LIPH: variants seen among roughly 807,000 people sequenced by gnomAD.
LIPH encodes lipase member H.
In LIPH, 32 loss-of-function variants were observed where a neutral mutation model predicts 47.6. The ratio of observed to expected loss-of-function variants is 0.67; its 90% CI spans 0.51 to 0.90. LIPH has a LOEUF of 0.90. LIPH is among the 40% of genes least tolerant of loss of function. The pLI is 0.00. For missense variants in LIPH, 497 were observed against 541.4 expected (o/e 0.92, Z 0.81); for synonymous variants, 190 against 195.6 (o/e 0.97, Z 0.24).
rs778065986 is a variant in LIPH at position 185,517,066 on chromosome 3, C to G, written c.982+1G>C. ...AGCCAACAACCACATTCACCACTCA[C>G]TGCAGAATGGGCTCTCCTCAGCTGT... On this transcript the variant is annotated splice_donor_variant, in intron 7 of 9. Transcript: ENST00000296252. LOFTEE classifies it high-confidence loss of function. 39 of 1,600,688 alleles carry G rather than the reference C, an allele frequency of 2.4e-5. No individual in the cohort carries two copies. Among genetic ancestry groups the G allele is most frequent in the Non-Finnish European group, 3.3e-5 (39 of 1,167,740 alleles).
intron 2 of LIPH, among the ~76,000 whole-genome samples, 167 bp downstream of exon 2, chr3:185,534,598 T>G (rs1372051617): frequency 6.6e-6 from 1 of 152,210 alleles, no homozygotes; most frequent in Admixed American, 6.5e-5. Flanking sequence ...AACATACCTA[T>G]GGACATTTTG....
intron 1 of LIPH, among the ~76,000 whole-genome samples, chr3:185,536,832 T>G (rs1720517079): frequency 6.6e-6 from 1 of 152,204 alleles, no homozygotes; most frequent in Non-Finnish European, 1.5e-5. Context: ...GTCTGTAGGA[T>G]TTCTGCTTTC....
intron 1 of LIPH, among the ~76,000 whole-genome samples, chr3:185,550,580 T>TA (rs1182739054): frequency 1.3e-5 from 2 of 151,904 alleles, no homozygotes; most frequent in African/African-American, 2.4e-5. Context: ...TTATTATATA[T>TA]TTTTTTTGAG....
chr3:185,551,401 C>T (rs1721045200), intron 1 of LIPH, among the ~76,000 whole-genome samples: 1 of 152,012 alleles, frequency 6.6e-6, no homozygotes. Context: ...TATAGTTTAC[C>T]AACAAATTTA....
At chr3:185,541,494 T>C (rs1363716023) in intron 1 of LIPH, among the ~76,000 whole-genome samples, 1 of 151,352 alleles carries the variant, frequency 6.6e-6, no homozygotes, top group Non-Finnish European at 1.5e-5. Context: ...AGCCTTGACT[T>C]CCTAGGCTCA....
chr3:185,533,457 G>T, intron 3 of LIPH, 114 bp downstream of exon 3: 1 of 774,276 alleles, frequency 1.3e-6, no homozygotes, highest in South Asian at 1.4e-5. Context: ...CACTCAGAGA[G>T]GTTAGGTAAT....
chr3:185,546,046 A>T (rs1335894928), intron 1 of LIPH, among the ~76,000 whole-genome samples: 4 of 152,062 alleles, frequency 2.6e-5, no homozygotes, highest in Non-Finnish European at 5.9e-5. Flanking sequence ...CATGCCTGTA[A>T]TCCCAGCTAC....
At chr3:185,511,815 C>G (rs1719575760) in intron 8 of LIPH, 118 bp from the exon 9 acceptor site, 4 of 651,430 alleles carry the variant, frequency 6.1e-6, no homozygotes, top group African/African-American at 1.9e-5. Flanking sequence ...CCTGCACCAG[C>G]TGACTTTTTT....
At chr3:185,533,445 C>A in intron 3 of LIPH, 126 bp downstream of exon 3, 1 of 754,586 alleles carries the variant, frequency 1.3e-6, no homozygotes, top group Non-Finnish European at 2.5e-6. Flanking sequence ...TGCAATGACC[C>A]ACACTCAGAG....
intron 1 of LIPH, among the ~76,000 whole-genome samples, chr3:185,540,256 T>C (rs1720660616): frequency 6.6e-6 from 1 of 152,202 alleles, no homozygotes; most frequent in Non-Finnish European, 1.5e-5. Context: ...ATGCTATGTT[T>C]TCCAGGGTTA....
intron 1 of LIPH, among the ~76,000 whole-genome samples, chr3:185,543,697 T>C (rs1327422943): frequency 6.6e-6 from 1 of 152,242 alleles, no homozygotes; most frequent in Middle Eastern, 3.4e-3. Context: ...CTGGGCAACA[T>C]AGCAAGACTC....
rs926229649 is a variant in LIPH at position 185,523,922 on chromosome 3, A to G, written c.718+149T>C. The G allele has an allele frequency of 6.8e-6, 4 of 588,122 alleles. No individual in the cohort carries two copies. In the African/African-American group the frequency reaches 7.9e-5, roughly 12 times the overall value. The allele number at this position is 588,122 out of a possible 1,614,324, so 36.4% of individuals were successfully genotyped here. On this transcript the variant is annotated intron_variant, in intron 5 of 9. Coordinates refer to ENST00000296252, the MANE Select transcript of LIPH (RefSeq NM_139248.3). ...TATTTAGTAGAGATGGGGTTTCACTATGTTGGCCAGGCTCGTCTCAAACTC... is the reference window on the plus strand; with the variant it reads ...TATTTAGTAGAGATGGGGTTTCACTGTGTTGGCCAGGCTCGTCTCAAACTC...
intron 3 of LIPH, among the ~76,000 whole-genome samples, chr3:185,529,906 A>AAAAGAAGGAAAGAAAG (rs1720258370): frequency 8.2e-6 from 1 of 122,602 alleles, no homozygotes; most frequent in Admixed American, 9.0e-5. Flanking sequence ...AGAGAGAAAG[A>AAAAGAAGGAAAGAAAG]AAAGAAAGAA....
intron 1 of LIPH, among the ~76,000 whole-genome samples, chr3:185,541,394 C>CTTTTTTTT (rs11349854): frequency 4.6e-5 from 6 of 130,808 alleles, no homozygotes; most frequent in Non-Finnish European, 6.5e-5. Flanking sequence ...ATCTTTCTTT[C>CTTTTTTTT]TTTTTTTTTT....
intron 1 of LIPH, among the ~76,000 whole-genome samples, chr3:185,538,633 G>A (rs825593): frequency 0.92 from 138,466 of 150,494 alleles, 64,035 homozygotes; most frequent in East Asian, 0.99. Context: ...TATTACCTAT[G>A]CTTAATGTTT....
intron 1 of LIPH, among the ~76,000 whole-genome samples, chr3:185,545,816 T>C (rs1250017214): frequency 6.6e-6 from 1 of 152,172 alleles, no homozygotes; most frequent in Non-Finnish European, 1.5e-5. Flanking sequence ...TGACCCCTGG[T>C]AATTAATTGC....
At position 185,511,541 on chromosome 3, in the gene LIPH, G is replaced by T; in HGVS notation, c.1251C>A (p.Ser417=). Residue 417 remains serine, a synonymous_variant, in exon 9 of 10, where the codon TCC becomes TCA. Coordinates refer to ENST00000296252, the MANE Select transcript of LIPH (RefSeq NM_139248.3). ...KLRILRMKLR[S]LAHPERPQLC... is the part of the protein sequence containing the mutation. Reference sequence around the variant, plus strand: ...CAGCTCACCTCTCCGGATGGGCAAGGGACCTTAACTTCATTCGGAGAATCC... The same window carrying T: ...CAGCTCACCTCTCCGGATGGGCAAGTGACCTTAACTTCATTCGGAGAATCC... The T allele has an allele frequency of 1.2e-6, 2 of 1,614,038 alleles. No homozygotes were observed. Among genetic ancestry groups the T allele is most frequent in the Non-Finnish European group, 8.5e-7 (1 of 1,180,006 alleles).
chr3:185,519,351 G>A, intron 5 of LIPH, 42 bp from the exon 6 acceptor site: 2 of 1,293,020 alleles, frequency 1.5e-6, no homozygotes, highest in Non-Finnish European at 2.3e-6. Flanking sequence ...AGCGGTTGAA[G>A]CATTTAGTAA....
At position 185,537,096 on chromosome 3, in the gene LIPH, G is replaced by A. The variant is rs548604783; in HGVS notation, c.50-1964C>T. The stretch of plus-strand genomic sequence containing the variant: ...GACAGGGTTTCATCATGTTGGCCAA[G>A]GTGGTCTTGAACTCCTGACCTCGGG... On this transcript the variant is annotated intron_variant, in intron 1 of 9. Coordinates refer to ENST00000296252, the MANE Select transcript of LIPH (RefSeq NM_139248.3). Among the ~76,000 whole-genome samples the A allele has an allele frequency of 2.0e-5, 3 of 152,336 alleles. No homozygotes were observed. In the East Asian group the frequency reaches 5.8e-4, roughly 29 times the overall value.
Sources: allele counts gnomAD v4.1 joint callset (sites outside exome capture counted in the v4.1 genomes callset), GRCh38; gene constraint gnomAD v4.1.1; transcripts MANE v1.5; gene names NCBI Gene and HGNC (gene_info 2026-07-23, HGNC 2026-07-21).